Variants in TPR observed in about 807,000 individuals in gnomAD.
TPR encodes nucleoprotein TPR.
TPR carries 51 observed loss-of-function variants against 316.1 expected under a neutral mutation model. The observed-to-expected ratio is 0.16, with a 90% CI of 0.13 to 0.20. The LOEUF (loss-of-function observed/expected upper bound fraction) is 0.20, where lower values mean the gene tolerates loss of function less well. Among genes scored for constraint, TPR ranks in the 10% least tolerant of loss-of-function variants. The pLI is 1.00. For missense variants in TPR, 2,272 were observed against 2,754.8 expected, an observed-to-expected ratio of 0.82 and a Z score of 3.92; for synonymous variants, 981 against 914.7, an observed-to-expected ratio of 1.07 and a Z score of -1.31.
In TPR at chr1:186,361,110, T is replaced by C. The variant is rs143461239; in HGVS notation, c.959-205A>G. Among the ~76,000 whole-genome samples the C allele has an allele frequency of 1.3e-3, 200 of 152,148 alleles. 1 individual carries two copies. Among genetic ancestry groups the C allele is most frequent in the African/African-American group, 4.6e-3 (191 of 41,574 alleles). On this transcript the variant is annotated intron_variant, in intron 9 of 50. Coordinates refer to ENST00000367478, the MANE Select transcript of TPR (RefSeq NM_003292.3). ...TGGTGTTTCTCCTTTTGATGTCTCT[T>C]ACCCACAAAGAAAATAAGGAAACCC...
intron 20 of TPR, among the ~76,000 whole-genome samples, chr1:186,350,646 G>A (rs1270500031): frequency 6.6e-6 from 1 of 152,106 alleles, no homozygotes; most frequent in African/African-American, 2.4e-5. Context: ...CAGGAAAGAG[G>A]AAATGAGGCA....
chr1:186,321,557 T>C (rs542380846), intron 45 of TPR, among the ~76,000 whole-genome samples: 124 of 152,310 alleles, frequency 8.1e-4, no homozygotes, highest in Non-Finnish European at 1.5e-3. Context: ...ATGACAACAT[T>C]AATAATGTCT....
intron 1 of TPR, among the ~76,000 whole-genome samples, chr1:186,374,046 T>C (rs185320833): frequency 6.6e-6 from 1 of 152,366 alleles, no homozygotes; most frequent in East Asian, 1.9e-4. Context: ...ATCAGAGAAC[T>C]AATTTTCAAG....
In TPR at chr1:186,341,136, A is replaced by C; in HGVS notation, c.3912T>G (p.Ile1304Met). The stretch of plus-strand genomic sequence containing the variant: ...CAGCATTTGCTTCTTGTAAGGGTAA[A>C]ATATCTAACTCCAGTTTCCTCACCT... The part of the protein sequence containing the change: ...QAKVRKLELD[I>M]LPLQEANAEL... The change falls in exon 29 of 51, where the codon ATT becomes ATG. Residue 1304 changes from isoleucine to methionine, a missense_variant. By Grantham distance (10) the Ile-to-Met change is conservative. Transcript: ENST00000367478. 2 of 1,614,092 alleles carry C rather than the reference A, an allele frequency of 1.2e-6. No homozygotes were observed. Among genetic ancestry groups the C allele is most frequent in the South Asian group, 2.2e-5 (2 of 91,072 alleles).
Position 186,346,130 on chromosome 1 carries a change from T to C in TPR, c.3096+5A>G, listed in dbSNP as rs760125174. On this transcript the variant is annotated splice_donor_5th_base_variant and intron_variant, in intron 23 of 50. Transcript: ENST00000367478. ...AAAAAAAATTAATACGGTTAACCTA[T>C]TTACCTGTTGTTCCATGCTCTCTAT... The C allele has an allele frequency of 1.3e-6, 2 of 1,598,650 alleles. No homozygotes were observed. The highest frequency in any genetic ancestry group is 1.7e-6 in the Non-Finnish European group (2 of 1,174,476).
intron 3 of TPR, among the ~76,000 whole-genome samples, chr1:186,370,404 T>C (rs1054063346): frequency 2.0e-5 from 3 of 152,128 alleles, no homozygotes; most frequent in African/African-American, 7.2e-5. Flanking sequence ...ATTCTTCATA[T>C]AAATACATTT....
In TPR at chr1:186,336,622, G is replaced by C; in HGVS notation, c.4579C>G (p.Arg1527Gly). The C allele has an allele frequency of 1.2e-6, 2 of 1,613,810 alleles. No individual in the cohort carries two copies. Among genetic ancestry groups the C allele is most frequent in the Non-Finnish European group, 1.7e-6 (2 of 1,179,870 alleles). ...CTATCTTGAAGATCCTGACGAAGTC[G>C]TGAAAGTTCAGACTGAAGTTGCACA... ...QTVQLQSELS[R>G]LRQDLQDRTT... Residue 1527 changes from arginine to glycine, a missense_variant, in exon 33 of 51, where the codon CGA (arginine) becomes GGA (glycine). Coordinates refer to ENST00000367478, the MANE Select transcript of TPR (RefSeq NM_003292.3).
At chr1:186,372,920 A>G (rs1308558599) in intron 2 of TPR, among the ~76,000 whole-genome samples, 1 of 152,248 alleles carries the variant, frequency 6.6e-6, no homozygotes, top group Admixed American at 6.5e-5. Flanking sequence ...AAACATAAAT[A>G]TAATGAAATC....
rs764493899 is a variant in TPR, at chr1:186,312,909, AAC to A, written c.*1060_*1061del. ...CTTTTCTAAAGGTAAGGTATTAACTAACAGTTTCCCAAGGAGGTGATATCATT... is the reference window on the plus strand; with the variant it reads ...CTTTTCTAAAGGTAAGGTATTAACTAAGTTTCCCAAGGAGGTGATATCATT... On this transcript the variant is annotated 3_prime_UTR_variant, in exon 51 of 51. Coordinates refer to ENST00000367478, the MANE Select transcript of TPR (RefSeq NM_003292.3). 1 of 1,606,982 alleles carries A rather than the reference AAC, an allele frequency of 6.2e-7. No homozygotes were observed. Among genetic ancestry groups the A allele is most frequent in the East Asian group, 2.2e-5 (1 of 44,818 alleles).
intron 39 of TPR, among the ~76,000 whole-genome samples, chr1:186,330,051 A>G (rs1177224499): frequency 6.6e-6 from 1 of 152,150 alleles, no homozygotes; most frequent in Non-Finnish European, 1.5e-5. Flanking sequence ...TCTTAGATCA[A>G]CATTTGGCAT....
At chr1:186,314,069 A>T (rs186150247) in intron 50 of TPR, 43 bp from the exon 51 acceptor site, 1 of 1,567,496 alleles carries the variant, frequency 6.4e-7, no homozygotes. Context: ...TCTTTTAAGA[A>T]TTCAAAACTA....
At chr1:186,344,269 C>A in intron 25 of TPR, 106 bp downstream of exon 25, 4 of 1,428,100 alleles carry the variant, frequency 2.8e-6, no homozygotes, top group Non-Finnish European at 2.9e-6. Context: ...CCATTGCACT[C>A]CAGCATGGGT....
In TPR at chr1:186,363,339, T is replaced by G. The variant is rs773755455; in HGVS notation, c.531+3A>C. ...TATGCATTAGGAATCATCTGGTACTTGCCTTAACAGAAACATCAGAAGCTT... is the reference window on the plus strand; with the variant it reads ...TATGCATTAGGAATCATCTGGTACTGGCCTTAACAGAAACATCAGAAGCTT... On this transcript the variant is annotated splice_donor_region_variant and intron_variant, in intron 5 of 50. Coordinates refer to ENST00000367478, the MANE Select transcript of TPR (RefSeq NM_003292.3). 2 of 1,606,494 alleles carry G rather than the reference T, an allele frequency of 1.2e-6. No individual in the cohort carries two copies. Among genetic ancestry groups the G allele is most frequent in the Middle Eastern group, 1.7e-4 (1 of 6,042 alleles).
intron 18 of TPR, among the ~76,000 whole-genome samples, chr1:186,353,427 C>A (rs1035696099): frequency 6.6e-6 from 1 of 151,644 alleles, no homozygotes; most frequent in Non-Finnish European, 1.5e-5. Flanking sequence ...CACTGACCTA[C>A]AAATTTATTT....
chr1:186,344,002 T>C lies in TPR; in HGVS notation c.3506A>G (p.Lys1169Arg). ...ACCTTCCTTCACAGAGGCAACGACC[T>C]TGTCACTTAATTTTTCGATCTGATC... ...LHDQIEKLSD[K>R]VVASVKEGVQ... Residue 1169 changes from lysine (K) to arginine (R), a missense_variant, in exon 26 of 51, where the codon AAG becomes AGG. By Grantham distance (26) the Lys-to-Arg change is conservative. Around this residue, in one of 10 missense-constraint regions of TPR, gnomAD observed 757 missense variants for 859.8 expected, o/e 0.88. Transcript: ENST00000367478. 1.9e-6 allele frequency: 3 copies of C among 1,614,184 alleles called. No homozygotes were observed. Among genetic ancestry groups the C allele is most frequent in the Non-Finnish European group, 2.5e-6 (3 of 1,180,022 alleles).
chr1:186,373,328 G>T (rs754424694), intron 2 of TPR, 31 bp downstream of exon 2: 2 of 1,525,310 alleles, frequency 1.3e-6, no homozygotes, highest in Non-Finnish European at 1.8e-6. Flanking sequence ...GATACTCCGA[G>T]AATACTTACA....
chr1:186,356,553 A>C, intron 14 of TPR, 104 bp from the exon 15 acceptor site: 1 of 1,116,294 alleles, frequency 9.0e-7, no homozygotes, highest in Non-Finnish European at 1.2e-6. Context: ...TCATCATACC[A>C]TTTTTGTCTC....
At position 186,323,705 on chromosome 1, in the gene TPR, T is replaced by C; in HGVS notation, c.6278A>G (p.Glu2093Gly). The change falls in exon 43 of 51, where the codon GAG becomes GGG. Residue 2093 changes from glutamate to glycine, a missense_variant. By Grantham distance (98) the Glu-to-Gly change is moderately conservative. This residue lies in a region of TPR where 435 missense variants were observed against 461.1 expected (regional missense o/e 0.94). Transcript: ENST00000367478. ...TAATACCTGAACTGGTGGTCCCAAC[T>C]CCTGAGGTGGGGCATGAATGGTCAG... is the stretch of plus-strand genomic sequence containing the variant. The part of the protein sequence containing the change: ...PRLTIHAPPQ[E>G]LGPPVQRIQM... The C allele has an allele frequency of 6.6e-7, 1 of 1,504,838 alleles. No individual in the cohort carries two copies. Among genetic ancestry groups the C allele is most frequent in the Non-Finnish European group, 8.8e-7 (1 of 1,139,488 alleles). 93.2% of individuals were successfully genotyped at this position (1,504,838 alleles called of 1,614,324 possible).
rs1440177630 is a variant in TPR, at chr1:186,375,118, C to T, written c.-90G>A. 1 of 1,567,116 alleles carries T rather than the reference C, an allele frequency of 6.4e-7. No individual in the cohort carries two copies. Among genetic ancestry groups the T allele is most frequent in the Non-Finnish European group, 8.6e-7 (1 of 1,157,058 alleles). On this transcript the variant is annotated 5_prime_UTR_variant, in exon 1 of 51. Coordinates refer to ENST00000367478, the MANE Select transcript of TPR (RefSeq NM_003292.3). The stretch of plus-strand genomic sequence containing the variant: ...GACCAGCAGGACCCAGACGCCTGGG[C>T]CGCCGCCTCTATCACCTCGCTCGGT...
Sources: allele counts gnomAD v4.1 joint callset (sites outside exome capture counted in the v4.1 genomes callset), GRCh38; gene constraint gnomAD v4.1.1; regional missense constraint gnomAD v4.1.1; transcripts MANE v1.5; gene names NCBI Gene and HGNC (gene_info 2026-07-23, HGNC 2026-07-21).